ALOX5: variants seen among roughly 807,000 people sequenced by gnomAD.
The protein encoded by ALOX5 is polyunsaturated fatty acid 5-lipoxygenase.
In ALOX5, 64 loss-of-function variants were observed where a neutral mutation model predicts 87.9. The observed-to-expected ratio is 0.73, with a 90% CI of 0.60 to 0.90. The LOEUF (loss-of-function observed/expected upper bound fraction) is 0.90, where lower values mean the gene tolerates loss of function less well. Among genes scored for constraint, ALOX5 ranks in the 40% least tolerant of loss-of-function variants. The pLI is 0.00. For synonymous variants in ALOX5, 388 were observed against 355.1 expected, an observed-to-expected ratio of 1.09 and a Z score of -1.04; for missense variants, 822 against 907.5, an observed-to-expected ratio of 0.91 and a Z score of 1.21.
chr10:45,442,879 C>T, intron 9 of ALOX5, 159 bp from the exon 10 acceptor site: 1 of 748,154 alleles, frequency 1.3e-6, no homozygotes, highest in South Asian at 1.9e-5. Flanking sequence ...CTGCCCTTGT[C>T]ATTCTCTGCG....
chr10:45,388,404 C>T (rs761520621), intron 2 of ALOX5, among the ~76,000 whole-genome samples: 49 of 152,250 alleles, frequency 3.2e-4, no homozygotes, highest in Non-Finnish European at 6.0e-4. Flanking sequence ...CAAGTGGCTC[C>T]CTGACCCCAG....
At chr10:45,431,836 T>C (rs1272734348) in intron 7 of ALOX5, among the ~76,000 whole-genome samples, 2 of 152,174 alleles carry the variant, frequency 1.3e-5, no homozygotes, top group Non-Finnish European at 2.9e-5. Flanking sequence ...CCTCCCAAAG[T>C]GTTGGCATTA....
chr10:45,374,610 T>TGGCC, intron 1 of ALOX5, among the ~76,000 whole-genome samples, 181 bp downstream of exon 1: 1 of 152,086 alleles, frequency 6.6e-6, no homozygotes, highest in East Asian at 1.9e-4. Flanking sequence ...GGGCTCCCAG[T>TGGCC]GGCCGGTGGG....
At chr10:45,404,726 C>T (rs961175984) in intron 3 of ALOX5, among the ~76,000 whole-genome samples, 2 of 152,168 alleles carry the variant, frequency 1.3e-5, no homozygotes, top group Non-Finnish European at 1.5e-5. Context: ...GCAAACCAAG[C>T]GACAGTGAGC....
At chr10:45,378,878 G>T (rs955457406) in intron 1 of ALOX5, among the ~76,000 whole-genome samples, 2 of 152,140 alleles carry the variant, frequency 1.3e-5, no homozygotes, top group African/African-American at 4.8e-5. Flanking sequence ...GCCCCCTCCT[G>T]CTGTGGAAGT....
chr10:45,397,931 G>A (rs77519841), intron 3 of ALOX5, among the ~76,000 whole-genome samples: 2,443 of 152,194 alleles, frequency 0.016, 61 homozygotes, highest in African/African-American at 0.057. Context: ...TAATGTACAC[G>A]TTCAACACAA....
intron 2 of ALOX5, among the ~76,000 whole-genome samples, chr10:45,394,909 C>T (rs148785420): frequency 0.022 from 3,421 of 152,234 alleles, 125 homozygotes; most frequent in African/African-American, 0.078. Context: ...TAATGATATA[C>T]CATCTCACAC....
chr10:45,431,341 A>G (rs562981414), intron 7 of ALOX5, among the ~76,000 whole-genome samples: 3 of 152,258 alleles, frequency 2.0e-5, no homozygotes, highest in East Asian at 1.9e-4. Flanking sequence ...ATCAATAAAC[A>G]TATTGTCAAA....
At chr10:45,432,808 C>G (rs1841950651) in intron 7 of ALOX5, among the ~76,000 whole-genome samples, 1 of 152,182 alleles carries the variant, frequency 6.6e-6, no homozygotes, top group Admixed American at 6.5e-5. Flanking sequence ...GAAAGCTAAG[C>G]ATATTTGATT....
At chr10:45,443,655 C>T (rs979023391) in intron 11 of ALOX5, 73 bp from the exon 12 acceptor site, 2 of 1,589,876 alleles carry the variant, frequency 1.3e-6, no homozygotes, top group Non-Finnish European at 1.7e-6. Flanking sequence ...GCAGGGAATC[C>T]GGGCACGGGG....
intron 1 of ALOX5, 41 bp downstream of exon 1, chr10:45,374,470 G>T: frequency 6.8e-7 from 1 of 1,478,992 alleles, no homozygotes; most frequent in Non-Finnish European, 9.0e-7. Context: ...GGGCTGAGGT[G>T]CGTCCGGGAC....
intron 4 of ALOX5, among the ~76,000 whole-genome samples, chr10:45,414,651 A>C (rs1841203425): frequency 6.6e-6 from 1 of 152,222 alleles, no homozygotes; most frequent in Admixed American, 6.5e-5. Context: ...GTGAACAGGC[A>C]ACCTACAGAA....
chr10:45,384,064 A>G (rs1005942244), intron 2 of ALOX5, among the ~76,000 whole-genome samples: 2 of 152,178 alleles, frequency 1.3e-5, no homozygotes, highest in Non-Finnish European at 2.9e-5. Context: ...GTGTGGGCCC[A>G]TGTGCAGAGG....
At chr10:45,416,888 G>A (rs1038299047) in intron 4 of ALOX5, among the ~76,000 whole-genome samples, 3 of 151,954 alleles carry the variant, frequency 2.0e-5, no homozygotes, top group Admixed American at 2.0e-4. Flanking sequence ...ATGGGTGGAT[G>A]GTGAATGGAT....
At chr10:45,400,329 G>A (rs1459203815) in intron 3 of ALOX5, among the ~76,000 whole-genome samples, 1 of 152,214 alleles carries the variant, frequency 6.6e-6, no homozygotes, top group East Asian at 1.9e-4. Flanking sequence ...GCCAAGCGCG[G>A]AGGCTCACAC....
chr10:45,406,082 C>T (rs1840874532), intron 3 of ALOX5, among the ~76,000 whole-genome samples: 2 of 152,164 alleles, frequency 1.3e-5, no homozygotes, highest in South Asian at 4.1e-4. Flanking sequence ...CTGGGCTCAA[C>T]TCACACTTAC....
At chr10:45,414,286 C>G (rs1841184317) in intron 4 of ALOX5, among the ~76,000 whole-genome samples, 1 of 152,112 alleles carries the variant, frequency 6.6e-6, no homozygotes. Context: ...TAACACCACA[C>G]ATCTACAACC....
chr10:45,388,981 T>G (rs999778437), intron 2 of ALOX5, among the ~76,000 whole-genome samples: 1 of 151,958 alleles, frequency 6.6e-6, no homozygotes, highest in Non-Finnish European at 1.5e-5. Context: ...GAATAACCAA[T>G]GTAGAGAAGT....
chr10:45,434,080 A>T (rs1841993315), intron 7 of ALOX5, among the ~76,000 whole-genome samples: 1 of 152,182 alleles, frequency 6.6e-6, no homozygotes, highest in Non-Finnish European at 1.5e-5. Context: ...AGGTGCCTGG[A>T]ACTTCCCTTC....
Sources: gnomAD v4.1 joint callset for allele counts (sites outside exome capture counted in the v4.1 genomes callset) on GRCh38, gnomAD v4.1.1 for gene constraint, MANE v1.5 for transcripts, NCBI Gene and HGNC (gene_info 2026-07-23, HGNC 2026-07-21) for gene names.